Variants in MTFR1 observed in about 807,000 individuals in gnomAD.
The protein encoded by MTFR1 is chondrocyte protein with a poly-proline region.
A neutral mutation model predicts 38.8 loss-of-function variants in MTFR1; 28 were observed. The observed-to-expected ratio is 0.72, with a 90% confidence interval of 0.53 to 0.99. The LOEUF (loss-of-function observed/expected upper bound fraction) is 0.99, where lower values mean the gene tolerates loss of function less well. Among genes scored for constraint, MTFR1 ranks in the 50% least tolerant of loss-of-function variants. The pLI, the probability that MTFR1 is intolerant of heterozygous loss-of-function variation, is 0.00. For synonymous variants in MTFR1, 145 were observed against 137.0 expected (o/e 1.06, Z -0.41); for missense variants, 358 against 395.5 (o/e 0.91, Z 0.81).
chr8:65,754,744 A>T (rs1463561701), intron 3 of MTFR1, among the ~76,000 whole-genome samples: 1 of 150,376 alleles, frequency 6.6e-6, no homozygotes, highest in Non-Finnish European at 1.5e-5. Flanking sequence ...AGGCGAGTGG[A>T]TCACGAGGTC....
chr8:65,746,598 G>GA (rs2128906124), intron 3 of MTFR1, among the ~76,000 whole-genome samples: 1 of 151,768 alleles, frequency 6.6e-6, no homozygotes, highest in East Asian at 1.9e-4. Flanking sequence ...ACTTTTTCTA[G>GA]AAAAAAACTT....
At chr8:65,770,575 C>A (rs1809035977) in intron 3 of MTFR1, among the ~76,000 whole-genome samples, 1 of 152,204 alleles carries the variant, frequency 6.6e-6, no homozygotes, top group Admixed American at 6.5e-5. Context: ...GGAGGGGACA[C>A]AGCCAAACCA....
intron 1 of MTFR1, among the ~76,000 whole-genome samples, chr8:65,650,484 A>C (rs1809093166): frequency 6.6e-6 from 1 of 151,640 alleles, no homozygotes; most frequent in Non-Finnish European, 1.5e-5. Context: ...CCATCCTTAT[A>C]CTCTTATCTG....
chr8:65,692,919 A>C (rs1805325136), intron 3 of MTFR1, among the ~76,000 whole-genome samples: 1 of 145,580 alleles, frequency 6.9e-6, no homozygotes, highest in African/African-American at 2.6e-5. Context: ...CCCCCGAGAC[A>C]GAGTCTTGCT....
At chr8:65,677,166 G>A (rs774758046) in intron 2 of MTFR1, among the ~76,000 whole-genome samples, 3 of 137,594 alleles carry the variant, frequency 2.2e-5, no homozygotes, top group Admixed American at 7.7e-5. Context: ...TCCACCTCCC[G>A]GTTCAAGCAA....
intron 1 of MTFR1, among the ~76,000 whole-genome samples, chr8:65,663,664 A>G (rs1163043924): frequency 6.6e-6 from 1 of 152,008 alleles, no homozygotes; most frequent in East Asian, 1.9e-4. Flanking sequence ...ATTATTACTG[A>G]CAAAGATGTA....
intron 3 of MTFR1, among the ~76,000 whole-genome samples, chr8:65,720,046 T>C (rs1471374108): frequency 6.6e-6 from 1 of 152,194 alleles, no homozygotes; most frequent in Admixed American, 6.5e-5. Flanking sequence ...AGAGTCAGTC[T>C]AAAAATAACA....
At chr8:65,645,353 A>G (rs930511978) in intron 1 of MTFR1, among the ~76,000 whole-genome samples, 25 of 152,362 alleles carry the variant, frequency 1.6e-4, no homozygotes, top group African/African-American at 5.5e-4. Flanking sequence ...TCTTCTGACC[A>G]TGACCAGGGT....
chr8:65,743,769 T>C (rs2128904264), intron 3 of MTFR1, among the ~76,000 whole-genome samples: 1 of 152,140 alleles, frequency 6.6e-6, no homozygotes, highest in East Asian at 1.9e-4. Flanking sequence ...AGTGATTTCA[T>C]TATTCTAAAG....
At chr8:65,697,781 G>A (rs1012909342) in intron 4 of MTFR1, among the ~76,000 whole-genome samples, 1 of 152,128 alleles carries the variant, frequency 6.6e-6, no homozygotes, top group Non-Finnish European at 1.5e-5. Context: ...TTCCTTAATA[G>A]CTAATGATGT....
At chr8:65,682,229 C>G in intron 2 of MTFR1, 124 bp from the exon 3 acceptor site, 1 of 378,006 alleles carries the variant, frequency 2.6e-6, no homozygotes, top group East Asian at 4.2e-5. Flanking sequence ...TTTGCCATAA[C>G]ATTTAGAGCA....
chr8:65,723,620 T>G (rs758503841), intron 3 of MTFR1: 2 of 1,544,516 alleles, frequency 1.3e-6, no homozygotes, highest in African/African-American at 2.8e-5. Context: ...TTTCTATATC[T>G]CCTATAAATT....
intron 3 of MTFR1, among the ~76,000 whole-genome samples, chr8:65,732,540 T>C (rs1192165696): frequency 2.0e-5 from 3 of 152,122 alleles, no homozygotes; most frequent in Non-Finnish European, 4.4e-5. Context: ...TATCTATCTA[T>C]CTAAAGATAG....
intron 3 of MTFR1, among the ~76,000 whole-genome samples, chr8:65,747,065 TA>T (rs1489545235): frequency 6.6e-6 from 1 of 152,184 alleles, no homozygotes; most frequent in Non-Finnish European, 1.5e-5. Flanking sequence ...AGGAAGTAAA[TA>T]ATGCTCACAA....
intron 3 of MTFR1, among the ~76,000 whole-genome samples, chr8:65,768,194 C>T (rs1325359303): frequency 6.6e-6 from 1 of 152,172 alleles, no homozygotes; most frequent in African/African-American, 2.4e-5. Flanking sequence ...GTTTTTCCTA[C>T]ACAGTGAGCA....
At chr8:65,719,456 C>T (rs772669911) in exon 3 of MTFR1, 2 of 1,614,040 alleles carry the variant, frequency 1.2e-6, no homozygotes, top group Admixed American at 3.3e-5. Flanking sequence ...AAACCTGGCC[C>T]ATTCTGTAAA....
intron 7 of MTFR1, 91 bp downstream of exon 7, chr8:65,708,102 T>C: frequency 6.2e-7 from 1 of 1,602,772 alleles, no homozygotes; most frequent in South Asian, 1.1e-5. Flanking sequence ...ACCTGTGTCA[T>C]CTGTAAGTTC....
At chr8:65,701,517 T>C (rs1175187279) in intron 4 of MTFR1, among the ~76,000 whole-genome samples, 1 of 152,246 alleles carries the variant, frequency 6.6e-6, no homozygotes, top group Non-Finnish European at 1.5e-5. Flanking sequence ...CTGTAGAGTG[T>C]CACAATATCA....
intron 3 of MTFR1, among the ~76,000 whole-genome samples, chr8:65,746,315 G>T (rs771549844): frequency 6.6e-6 from 1 of 152,114 alleles, no homozygotes; most frequent in Non-Finnish European, 1.5e-5. Context: ...AAGTGATAGA[G>T]CTGGGATCTT....
Sources: allele counts gnomAD v4.1 joint callset (sites outside exome capture counted in the v4.1 genomes callset), GRCh38; gene constraint gnomAD v4.1.1; transcripts MANE v1.5; gene names NCBI Gene and HGNC (gene_info 2026-07-23, HGNC 2026-07-21).